The following ANKRD35 variants were observed in gnomAD, a reference collection of about 807,000 sequenced individuals.
ANKRD35 encodes the protein ankyrin repeat domain 35.
ANKRD35 carries 102 observed loss-of-function variants against 109.9 expected under a neutral mutation model. The observed-to-expected ratio is 0.93, with a 90% CI of 0.79 to 1.09. The LOEUF (loss-of-function observed/expected upper bound fraction) is 1.09. ANKRD35 is among the 50% of genes least tolerant of loss of function. The pLI, the probability that ANKRD35 is intolerant of heterozygous loss-of-function variation, is 0.00. For missense variants in ANKRD35, 1,240 were observed against 1,230.1 expected (o/e 1.01, Z -0.12); for synonymous variants, 515 against 512.4 (o/e 1.01, Z -0.07).
At chr1:145,878,299 G>C (rs1654156670) in intron 3 of ANKRD35, 92 bp downstream of exon 3, 1 of 1,321,884 alleles carries the variant, frequency 7.6e-7, no homozygotes, top group South Asian at 1.3e-5. Flanking sequence ...AGGGGCCACA[G>C]TAGGAATGTC....
Position 145,871,973 on chromosome 1 carries a change from G to A in ANKRD35, c.2787+9C>T, listed in dbSNP as rs782547329. On this transcript the variant is annotated intron_variant, in intron 10 of 13. Coordinates refer to ENST00000355594, the MANE Select transcript of ANKRD35 (RefSeq NM_144698.5). The stretch of plus-strand genomic sequence containing the variant: ...CCCAGTGCTCCCCAGGGCTACCTCA[G>A]CTGCTCACCTTGGCTTCCTTGTCTC... The A allele has an allele frequency of 6.2e-7, 1 of 1,608,514 alleles. No individual in the cohort carries two copies. Among genetic ancestry groups the A allele is most frequent in the African/African-American group, 1.3e-5 (1 of 74,908 alleles).
At chr1:145,871,144 T>TCTTTCTTC (rs1653797240) in intron 10 of ANKRD35, among the ~76,000 whole-genome samples, 1 of 126,100 alleles carries the variant, frequency 7.9e-6, no homozygotes, top group Non-Finnish European at 1.6e-5. Context: ...TTTCTTTCTT[T>TCTTTCTTC]TCTTTTTTCT....
chr1:145,873,732 A>AC lies in ANKRD35; in HGVS notation c.1036dup (p.Val346GlyfsTer16), dbSNP rs782622771. ...AGCTCTGGGCTCCCAGGATAGGAGG[A>AC]CCCCTAGCTCCTGCGCCTGCTCTCG... On this transcript the variant is annotated frameshift_variant, in exon 10 of 14. Transcript: ENST00000355594. LOFTEE classifies it high-confidence loss of function. 2.5e-6 allele frequency: 4 copies of AC among 1,613,624 alleles called. No homozygotes were observed. The South Asian group carries it at 4.4e-5, about 18-fold the overall frequency.
chr1:145,885,413 G>C (rs77475344), intron 1 of ANKRD35, among the ~76,000 whole-genome samples: 3,754 of 152,076 alleles, frequency 0.025, 184 homozygotes, highest in African/African-American at 0.087. Flanking sequence ...AGCAGAAGTA[G>C]GGTCAGGGCC....
chr1:145,883,188 G>A (rs587756179), intron 1 of ANKRD35, among the ~76,000 whole-genome samples: 6 of 148,972 alleles, frequency 4.0e-5, no homozygotes, highest in East Asian at 2.0e-4. Context: ...GGGTTCAAGC[G>A]ATTCTCCTGC....
chr1:145,873,783 G>A lies in ANKRD35; in HGVS notation c.986C>T (p.Ala329Val). The change falls in exon 10 of 14, where the codon GCC becomes GTC. Residue 329 changes from alanine (A) to valine (V), a missense_variant. By Grantham distance (64) the Ala-to-Val change is moderately conservative (BLOSUM62 0). Transcript: ENST00000355594. Reference protein sequence around the residue: ...KTEECKTQAAAYLDLENQIRE... With the variant: ...KTEECKTQAAVYLDLENQIRE... ...AATCTGGTTCTCAAGGTCCAGATAGGCTGCAGCTTGAGTCTTACACTCTTC... is the reference window on the plus strand; with the variant it reads ...AATCTGGTTCTCAAGGTCCAGATAGACTGCAGCTTGAGTCTTACACTCTTC... 6.2e-7 allele frequency: 1 copy of A among 1,610,054 alleles called. No individual in the cohort carries two copies. Among genetic ancestry groups the A allele is most frequent in the South Asian group, 1.1e-5 (1 of 90,564 alleles).
rs782035173 is a variant in ANKRD35 at position 145,872,615 on chromosome 1, T to C, written c.2154A>G (p.Ala718=). The C allele has an allele frequency of 1.9e-6, 3 of 1,613,822 alleles. No homozygotes were observed. The African/African-American group carries it at 4.0e-5, about 22-fold the overall frequency. Residue 718 remains alanine (A), a synonymous_variant, in exon 10 of 14, where the codon GCA becomes GCG. Coordinates refer to ENST00000355594, the MANE Select transcript of ANKRD35 (RefSeq NM_144698.5). ...LPADLVGERS[A]QSKAAESLEE... ...CCAGGGACTCCGCTGCTTTGCTTTG[T>C]GCACTCCTCTCGCCCACTAGGTCTG...
Position 145,868,514 on chromosome 1 carries a change from G to T in ANKRD35, c.2788-114C>A, listed in dbSNP as rs774025008. ...AATATGTGCCAATTTTATACAAATT[G>T]TCTCATTTAACACTCAAAACAGCTT... On this transcript the variant is annotated intron_variant, in intron 10 of 13. Coordinates refer to ENST00000355594, the MANE Select transcript of ANKRD35 (RefSeq NM_144698.5). 7.2e-4 allele frequency: 601 copies of T among 831,840 alleles called. 2 individuals are homozygous for T. Among genetic ancestry groups the T allele is most frequent in the Non-Finnish European group, 1.0e-3 (527 of 520,794 alleles). 51.5% of individuals were successfully genotyped at this position (831,840 alleles called of 1,614,324 possible).
chr1:145,868,319 G>A lies in ANKRD35; in HGVS notation c.2869C>T (p.Gln957Ter). 1 of 1,614,122 alleles carries A rather than the reference G, an allele frequency of 6.2e-7. No individual in the cohort carries two copies. The highest frequency in any genetic ancestry group is 1.3e-5 in the African/African-American group (1 of 75,018). The change falls in exon 11 of 14, where the codon CAG becomes TAG. Residue 957 changes from glutamine to a stop codon, truncating the protein, a stop_gained. Transcript: ENST00000355594. LOFTEE classifies it high-confidence loss of function. ...TGACAGCCAAAACATACCTGCAGCT[G>A]CAGGGCAAGGCGAGCATTTTCTCCC... is the stretch of plus-strand genomic sequence containing the variant. ...IRGENARLAL[Q>*]LQDSQKNHEE...
chr1:145,874,104 G>C, intron 9 of ANKRD35, 51 bp downstream of exon 9: 1 of 1,611,530 alleles, frequency 6.2e-7, no homozygotes. Flanking sequence ...GTCACAGTGG[G>C]ATAGCCTGGG....
intron 12 of ANKRD35, 33 bp from the exon 13 acceptor site, chr1:145,867,425 G>A (rs782203578): frequency 3.8e-6 from 6 of 1,593,330 alleles, no homozygotes; most frequent in Non-Finnish European, 8.6e-7. Flanking sequence ...AAAAGGAGAT[G>A]AAGAACAGAA....
rs782387308 is a variant in ANKRD35, at chr1:145,872,897, G to A, written c.1872C>T (p.Asn624=). The part of the protein sequence containing the change: ...EKEMSVLRLS[N]SNLLEELGEL... ...CCCCTAACTCCTCCAGCAAGTTACTGTTGCTCAGTCTCAGTACTGACATCT... is the reference window on the plus strand; with the variant it reads ...CCCCTAACTCCTCCAGCAAGTTACTATTGCTCAGTCTCAGTACTGACATCT... Residue 624 remains asparagine, a synonymous_variant, in exon 10 of 14, where the codon AAC becomes AAT. Coordinates refer to ENST00000355594, the MANE Select transcript of ANKRD35 (RefSeq NM_144698.5). 5.0e-6 allele frequency: 8 copies of A among 1,614,074 alleles called. No individual in the cohort carries two copies. In the East Asian group the frequency reaches 1.8e-4, roughly 36 times the overall value.
intron 3 of ANKRD35, 98 bp downstream of exon 3, chr1:145,878,293 G>A: frequency 7.8e-7 from 1 of 1,277,860 alleles, no homozygotes; most frequent in Non-Finnish European, 1.1e-6. Context: ...GAAGCAAGGG[G>A]CCACAGTAGG....
rs2101708032 is a variant in ANKRD35, at chr1:145,873,702, C to G, written c.1067G>C (p.Gly356Ala). The G allele has an allele frequency of 6.2e-7, 1 of 1,614,098 alleles. No homozygotes were observed. Among genetic ancestry groups the G allele is most frequent in the East Asian group, 2.2e-5 (1 of 44,888 alleles). ...AGGCCGGAGACTAGAGCCTTGCTTT[C>G]CTGAAGCTCTGGGCTCCCAGGATAG... ...VLLSWEPRAS[G>A]KQGSSLRPGG... The change falls in exon 10 of 14, where the codon GGA (glycine) becomes GCA (alanine). Residue 356 changes from glycine to alanine, a missense_variant. By Grantham distance (60) the Gly-to-Ala change is moderately conservative (BLOSUM62 0). Transcript: ENST00000355594.
chr1:145,878,318 C>T (rs1378463717), intron 3 of ANKRD35, 73 bp downstream of exon 3: 4 of 1,444,384 alleles, frequency 2.8e-6, no homozygotes, highest in Non-Finnish European at 3.8e-6. Context: ...TCCAGCAGGG[C>T]CCAGCACCGC....
At chr1:145,867,867 G>A in intron 12 of ANKRD35, 124 bp downstream of exon 12, 1 of 887,720 alleles carries the variant, frequency 1.1e-6, no homozygotes, top group Non-Finnish European at 1.8e-6. Context: ...CCTAGCACTG[G>A]ATCCAGCTTT....
rs1297714012 is a variant in ANKRD35 at position 145,868,356 on chromosome 1, A to C, written c.2832T>G (p.Val944=). The change falls in exon 11 of 14, where the codon GTT becomes GTG. Residue 944 remains valine, a synonymous_variant. Transcript: ENST00000355594. ...LKKLEQLSEE[V]LAIRGENARL... is the part of the protein sequence containing the mutation. The stretch of plus-strand genomic sequence containing the variant: ...GAGCATTTTCTCCCCGAATTGCTAG[A>C]ACCTCTTCTGAAAGCTGCTCCAGCT... 1.9e-6 allele frequency: 3 copies of C among 1,614,088 alleles called. No individual in the cohort carries two copies. The highest frequency in any genetic ancestry group is 1.7e-6 in the Non-Finnish European group (2 of 1,180,040).
chr1:145,868,876 T>C (rs1653701562), intron 10 of ANKRD35, among the ~76,000 whole-genome samples: 1 of 152,244 alleles, frequency 6.6e-6, no homozygotes, highest in Admixed American at 6.5e-5. Flanking sequence ...TGAATTGGAA[T>C]TGCCCCATTT....
intron 8 of ANKRD35, 149 bp downstream of exon 8, chr1:145,874,673 G>T (rs1559174619): frequency 1.0e-6 from 1 of 977,062 alleles, no homozygotes; most frequent in Admixed American, 3.5e-5. Flanking sequence ...GGGGATTTGG[G>T]GTCCTCTCAC....
Sources: gnomAD v4.1 joint callset for allele counts (sites outside exome capture counted in the v4.1 genomes callset) on GRCh38, gnomAD v4.1.1 for gene constraint, MANE v1.5 for transcripts, NCBI Gene and HGNC (gene_info 2026-07-23, HGNC 2026-07-21) for gene names.